The following CCAR1 variants were observed in gnomAD, a reference collection of about 807,000 sequenced individuals.
CCAR1 encodes the protein cell division cycle and apoptosis regulator 1, also known as cell division cycle and apoptosis regulator protein 1.
In CCAR1, 78 loss-of-function variants were observed where a neutral mutation model predicts 163.8. That is an observed-to-expected ratio of 0.48 (90% CI 0.40 to 0.57). The LOEUF (loss-of-function observed/expected upper bound fraction) is 0.57, where lower values mean the gene tolerates loss of function less well. CCAR1 is among the 20% of genes least tolerant of loss of function. The probability of loss-of-function intolerance (pLI) is 0.00; values close to 1 mark genes in which losing one functional copy is unlikely to be tolerated. For missense variants in CCAR1, 1,019 were observed against 1,365.2 expected (o/e 0.75, Z 4.00); for synonymous variants, 443 against 460.7 (o/e 0.96, Z 0.49).
chr10:68,769,666 G>T (rs1383870970), intron 17 of CCAR1, among the ~76,000 whole-genome samples: 1 of 152,070 alleles, frequency 6.6e-6, no homozygotes, highest in African/African-American at 2.4e-5. Flanking sequence ...TATAGGCCAG[G>T]CGTGGTGGCT....
chr10:68,780,948 T>C (rs2056727789), intron 19 of CCAR1, among the ~76,000 whole-genome samples: 1 of 152,152 alleles, frequency 6.6e-6, no homozygotes, highest in African/African-American at 2.4e-5. Context: ...TTAGGCCAAT[T>C]GTGCCAGGCA....
chr10:68,744,107 A>G (rs979439804), intron 6 of CCAR1, among the ~76,000 whole-genome samples: 2 of 151,976 alleles, frequency 1.3e-5, no homozygotes, highest in African/African-American at 2.4e-5. Context: ...CTGGTCTCGA[A>G]CTCCTGACCT....
chr10:68,734,362 C>T (rs552197511), intron 2 of CCAR1, among the ~76,000 whole-genome samples: 23 of 152,102 alleles, frequency 1.5e-4, no homozygotes, highest in Admixed American at 1.2e-3. Context: ...TTTTGTCCCC[C>T]TAGATACCAT....
At chr10:68,787,883 A>G (rs1337748340) in intron 21 of CCAR1, 44 bp from the exon 22 acceptor site, 15 of 1,532,078 alleles carry the variant, frequency 9.8e-6, no homozygotes, top group Middle Eastern at 1.7e-4. Flanking sequence ...GAATCAAGAA[A>G]TGTATTTTCA....
chr10:68,737,772 T>C, intron 3 of CCAR1, 73 bp from the exon 4 acceptor site: 1 of 789,722 alleles, frequency 1.3e-6, no homozygotes, highest in Non-Finnish European at 2.1e-6. Flanking sequence ...TATTTCTATG[T>C]ATATCACTTT....
At position 68,734,309 on chromosome 10, in the gene CCAR1, G is replaced by A. The variant is rs532173046; in HGVS notation, c.74-2567G>A. ...GATAAAAGCAAGATAGTTTGGGGAAGGGAGTGTTCCATGAGCAAATACTGG... is the reference window on the plus strand; with the variant it reads ...GATAAAAGCAAGATAGTTTGGGGAAAGGAGTGTTCCATGAGCAAATACTGG... On this transcript the variant is annotated intron_variant, in intron 2 of 24. Coordinates refer to ENST00000265872, the MANE Select transcript of CCAR1 (RefSeq NM_018237.4). 3.9e-5 allele frequency among the ~76,000 whole-genome samples: 6 copies of A among 152,098 alleles called. No individual in the cohort carries two copies. In the East Asian group the frequency reaches 9.7e-4, roughly 25 times the overall value.
intron 15 of CCAR1, among the ~76,000 whole-genome samples, chr10:68,760,287 A>G (rs1357997755): frequency 6.6e-6 from 1 of 152,170 alleles, no homozygotes; most frequent in Non-Finnish European, 1.5e-5. Flanking sequence ...GGTTAGGACT[A>G]CAGGCATTCA....
At chr10:68,774,233 GC>G (rs1310831117) in intron 19 of CCAR1, among the ~76,000 whole-genome samples, 1 of 152,028 alleles carries the variant, frequency 6.6e-6, no homozygotes, top group Non-Finnish European at 1.5e-5. Context: ...TCATTCTGTT[GC>G]CCAGGCTGGT....
rs1288083325 is a variant in CCAR1 at position 68,756,968 on chromosome 10, TTGGG to T, written c.1837-322_1837-319del. Among the ~76,000 whole-genome samples the T allele has an allele frequency of 6.6e-6, 1 of 152,234 alleles. No homozygotes were observed. Among genetic ancestry groups the T allele is most frequent in the Non-Finnish European group, 1.5e-5 (1 of 68,048 alleles). On this transcript the variant is annotated intron_variant, in intron 14 of 24. Coordinates refer to ENST00000265872, the MANE Select transcript of CCAR1 (RefSeq NM_018237.4). The surrounding 1 kb of genome is among the most constrained non-coding windows in gnomAD (Gnocchi z 5.1). ...TTCAAAGGTCTGACTAAATCAGTCT[TTGGG>T]TGGCTTGAAAATTGAGGCAAGATCA...
chr10:68,753,265 A>G (rs2056357773), intron 10 of CCAR1, among the ~76,000 whole-genome samples: 1 of 152,206 alleles, frequency 6.6e-6, no homozygotes, highest in South Asian at 2.1e-4. Context: ...CCCTCTATAC[A>G]TAATAATCAG....
intron 21 of CCAR1, 158 bp downstream of exon 21, chr10:68,786,850 T>G: frequency 1.8e-6 from 1 of 558,108 alleles, no homozygotes; most frequent in South Asian, 2.3e-5. Flanking sequence ...GTTGGGAGGC[T>G]GAGGCGGGCA....
intron 4 of CCAR1, 123 bp from the exon 5 acceptor site, chr10:68,740,506 G>T: frequency 1.2e-6 from 1 of 821,084 alleles, no homozygotes; most frequent in Non-Finnish European, 2.0e-6. Flanking sequence ...CCTCGTTTCT[G>T]TTTAAATACA....
At chr10:68,739,621 C>T (rs1308515366) in intron 4 of CCAR1, among the ~76,000 whole-genome samples, 1 of 152,160 alleles carries the variant, frequency 6.6e-6, no homozygotes, top group Non-Finnish European at 1.5e-5. Flanking sequence ...TAAAAACTGA[C>T]AAGAGACTGG....
intron 2 of CCAR1, among the ~76,000 whole-genome samples, chr10:68,733,789 G>A (rs536968522): frequency 3.1e-4 from 47 of 151,958 alleles, no homozygotes; most frequent in African/African-American, 1.0e-3. Context: ...TCAGCCTCCC[G>A]AATAGCTGGG....
chr10:68,729,485 G>A (rs1032269941), intron 2 of CCAR1, among the ~76,000 whole-genome samples: 2 of 151,820 alleles, frequency 1.3e-5, no homozygotes, highest in African/African-American at 4.8e-5. Context: ...TAGCCAGGAT[G>A]GTCTTGATCT....
At chr10:68,766,883 ACTT>A (rs2056542469) in intron 17 of CCAR1, among the ~76,000 whole-genome samples, 1 of 151,922 alleles carries the variant, frequency 6.6e-6, no homozygotes, top group African/African-American at 2.4e-5. Context: ...GTTGTAGTCT[ACTT>A]CTTGGGAAAA....
chr10:68,767,900 TTTATC>T (rs2056555307), intron 17 of CCAR1, among the ~76,000 whole-genome samples: 1 of 152,218 alleles, frequency 6.6e-6, no homozygotes. Context: ...ATTGAAAACT[TTTATC>T]TTTAAGTGTA....
chr10:68,736,779 C>T, intron 2 of CCAR1, 97 bp from the exon 3 acceptor site: 2 of 995,456 alleles, frequency 2.0e-6, no homozygotes, highest in Admixed American at 2.4e-5. Context: ...CTGGAGTGAA[C>T]ATGGGGGTGC....
chr10:68,730,345 A>T (rs539816317), intron 2 of CCAR1, among the ~76,000 whole-genome samples: 91 of 147,222 alleles, frequency 6.2e-4, no homozygotes, highest in East Asian at 5.0e-3. Context: ...ATATATATAT[A>T]TTTATTTTTT....
Sources: allele counts gnomAD v4.1 joint callset (sites outside exome capture counted in the v4.1 genomes callset), GRCh38; gene constraint gnomAD v4.1.1; non-coding constraint Gnocchi (gnomAD v3.1); transcripts MANE v1.5; gene names NCBI Gene and HGNC (gene_info 2026-07-23, HGNC 2026-07-21).